The following OGG1 variants were observed in gnomAD, a reference collection of about 807,000 sequenced individuals.
OGG1 encodes 8-oxoguanine DNA glycosylase, also known as N-glycosylase/DNA lyase.
Under a neutral mutation model 42.3 loss-of-function variants are expected in OGG1, and 35 were observed. The observed-to-expected ratio is 0.83, with a 90% CI of 0.63 to 1.10. The LOEUF (loss-of-function observed/expected upper bound fraction) is 1.10. Ranked by LOEUF, OGG1 falls within the 50% of genes least tolerant of loss-of-function variation. The pLI, the probability that OGG1 is intolerant of heterozygous loss-of-function variation, is 0.00. For synonymous variants in OGG1, 189 were observed against 179.0 expected, an observed-to-expected ratio of 1.06 and a Z score of -0.44; for missense variants, 484 against 446.7, an observed-to-expected ratio of 1.08 and a Z score of -0.75.
downstream of OGG1, chr3:9,760,481 A>C: frequency 1.7e-6 from 1 of 593,690 alleles, no homozygotes; most frequent in Non-Finnish European, 3.0e-6. Flanking sequence ...GGAGCCAAGC[A>C]GAAGGAAGTA....
Position 9,787,290 on chromosome 3 carries a change from C to G in OGG1, c.383-438C>G, listed in dbSNP as rs200672644. Reference sequence around the variant, plus strand: ...GGGCCCCATCCTTCTGCTCCTCCAGCAGGTCCTCCTGGGCCCAGCGCTGGG... The same window carrying G: ...GGGCCCCATCCTTCTGCTCCTCCAGGAGGTCCTCCTGGGCCCAGCGCTGGG... On this transcript the variant is annotated intron_variant, in intron 3 of 3. Coordinates refer to the OGG1 transcript ENST00000426518. The G allele has an allele frequency of 9.9e-5, 160 of 1,614,036 alleles. No individual in the cohort carries two copies. The Middle Eastern group carries it at 2.1e-3, about 22-fold the overall frequency.
At chr3:9,786,833 C>A (rs1225825250) in intron 3 of OGG1, among the ~76,000 whole-genome samples, 1 of 152,150 alleles carries the variant, frequency 6.6e-6, no homozygotes, top group African/African-American at 2.4e-5. Context: ...ATTAGGTGCA[C>A]AAGTTATATA....
rs1021959233 is a variant in OGG1 at position 9,750,801 on chromosome 3, A to C, written c.138-144A>C. ...AATTTTTGTATTTTTTGTAGAGGTG[A>C]GGTTTCGCCATGTTGCTCAGACTGG... On this transcript the variant is annotated intron_variant, in intron 1 of 6. Coordinates refer to ENST00000344629, the MANE Select transcript of OGG1 (RefSeq NM_002542.6). 8.0e-6 allele frequency: 8 copies of C among 997,676 alleles called. No individual in the cohort carries two copies. The African/African-American group carries it at 1.1e-4, about 14-fold the overall frequency. The allele number at this position is 997,676 out of a possible 1,614,324, so 61.8% of individuals were successfully genotyped here.
chr3:9,789,961 G>A (rs778276110), downstream of OGG1: 35 of 1,586,178 alleles, frequency 2.2e-5, no homozygotes, highest in Middle Eastern at 6.8e-4. Flanking sequence ...AGTCGGTGAG[G>A]ATCTGAAATT....
At chr3:9,782,865 C>T (rs1292511069) in intron 3 of OGG1, among the ~76,000 whole-genome samples, 2 of 151,690 alleles carry the variant, frequency 1.3e-5, no homozygotes, top group African/African-American at 4.8e-5. Context: ...AGACACAGCA[C>T]TTGTCTGTGA....
intron 7 of OGG1, among the ~76,000 whole-genome samples, chr3:9,764,627 TG>T (rs372055920): frequency 0.043 from 4,720 of 108,878 alleles, 433 homozygotes; most frequent in East Asian, 0.14. Flanking sequence ...GTTTTTTTTT[TG>T]TTTTTTTTTT....
Position 9,750,987 on chromosome 3 carries a change from G to T in OGG1, c.180G>T (p.Ala60=). 1.2e-6 allele frequency: 2 copies of T among 1,614,092 alleles called. No homozygotes were observed. Among genetic ancestry groups the T allele is most frequent in the African/African-American group, 2.7e-5 (2 of 75,026 alleles). ...CTGCACACTGGAGTGGTGTACTAGC[G>T]GATCAAGTATGGACACTGACTCAGA... ...QSPAHWSGVL[A]DQVWTLTQTE... The change falls in exon 2 of 7, where the codon GCG becomes GCT. Residue 60 remains alanine, a synonymous_variant. Coordinates refer to ENST00000344629, the MANE Select transcript of OGG1 (RefSeq NM_002542.6).
rs147196116 is a variant in OGG1 at position 9,779,004 on chromosome 3, A to C, written c.295-2509A>C. Among the ~76,000 whole-genome samples, 1,071 of 152,218 alleles carry C rather than the reference A, an allele frequency of 7.0e-3. 8 individuals are homozygous for C. The highest frequency in any genetic ancestry group is 0.017 in the Middle Eastern group (5 of 294). ...CCTCAACCTTCCCACAGTAAATTGC[A>C]AATTATTCCCTGATTCTCTCAGACC... is the stretch of plus-strand genomic sequence containing the variant. On this transcript the variant is annotated intron_variant, in intron 2 of 3. Coordinates refer to the OGG1 transcript ENST00000426518.
downstream of OGG1, chr3:9,758,918 C>G (rs755828317): frequency 1.6e-4 from 68 of 421,918 alleles, no homozygotes; most frequent in Non-Finnish European, 2.7e-4. Context: ...GCGTGAGCCA[C>G]CATGCCTGGC....
chr3:9,790,415 G>C (rs2078702548), downstream of OGG1, among the ~76,000 whole-genome samples: 1 of 152,176 alleles, frequency 6.6e-6, no homozygotes, highest in Non-Finnish European at 1.5e-5. Flanking sequence ...TTTAGGTCCA[G>C]TTGGCACCTC....
At chr3:9,780,104 A>G (rs1056018364) in intron 2 of OGG1, 3 of 392,900 alleles carry the variant, frequency 7.6e-6, no homozygotes, top group Admixed American at 8.5e-5. Context: ...AGGAAGACCC[A>G]GAAACGAAGT....
chr3:9,781,676 C>A, intron 3 of OGG1: 1 of 434,022 alleles, frequency 2.3e-6, no homozygotes, highest in Non-Finnish European at 4.8e-6. Flanking sequence ...GCTGGAAGGT[C>A]ACTTAGTGAT....
At chr3:9,773,753 C>T (rs1436019979) in intron 2 of OGG1, among the ~76,000 whole-genome samples, 8 of 151,770 alleles carry the variant, frequency 5.3e-5, no homozygotes, top group Admixed American at 2.0e-4. Context: ...GGTGCAGCGG[C>T]GCCATCATGG....
chr3:9,769,001 C>T (rs1462365016), downstream of OGG1, among the ~76,000 whole-genome samples: 1 of 152,056 alleles, frequency 6.6e-6, no homozygotes, highest in Non-Finnish European at 1.5e-5. Flanking sequence ...CATGCCACAC[C>T]AAGCCCCCTC....
At chr3:9,757,995 C>T (rs2077666320), downstream of OGG1, 2 of 1,298,064 alleles carry the variant, frequency 1.5e-6, no homozygotes, top group Non-Finnish European at 2.1e-6. This position sits in a 1 kb window ranked among gnomAD's most constrained non-coding sequence, Gnocchi z 4.5. Flanking sequence ...CCCCAAAAAC[C>T]TCTACAAGGC....
intron 1 of OGG1, 63 bp from the exon 2 acceptor site, chr3:9,750,882 G>A (rs1382659557): frequency 2.4e-5 from 38 of 1,603,838 alleles, no homozygotes; most frequent in Non-Finnish European, 3.1e-5. Flanking sequence ...TAGGATAGGA[G>A]GGACCCCAAA....
chr3:9,765,180 T>G (rs2078094378), intron 7 of OGG1, among the ~76,000 whole-genome samples: 1 of 151,334 alleles, frequency 6.6e-6, no homozygotes, highest in African/African-American at 2.4e-5. Flanking sequence ...TGAGCCAAGA[T>G]TGCGTCACTG....
At chr3:9,765,859 C>A (rs1396548123) in exon 8 of OGG1, 1 of 1,614,028 alleles carries the variant, frequency 6.2e-7, no homozygotes, top group Non-Finnish European at 8.5e-7. Context: ...GTCCTCTTAT[C>A]TTCTGCCAGG....
In OGG1 at chr3:9,749,985, A is replaced by G; in HGVS notation, c.-302A>G. Reference sequence around the variant, plus strand: ...TGTGGTCTGCCCCTGGAGAACCCAGAAGAACACAGCTGTGCGCGCCCACAG... The same window carrying G: ...TGTGGTCTGCCCCTGGAGAACCCAGGAGAACACAGCTGTGCGCGCCCACAG... On this transcript the variant is annotated 5_prime_UTR_variant, in exon 1 of 7. Coordinates refer to ENST00000344629, the MANE Select transcript of OGG1 (RefSeq NM_002542.6). 1 of 438,860 alleles carries G rather than the reference A, an allele frequency of 2.3e-6. No individual in the cohort carries two copies. The highest frequency in any genetic ancestry group is 4.1e-6 in the Non-Finnish European group (1 of 242,418). 27.2% of individuals were successfully genotyped at this position (438,860 alleles called of 1,614,324 possible). A position where few individuals can be genotyped will look rare whatever the true frequency, so the allele number is the denominator to read the frequency against.
Sources: allele counts gnomAD v4.1 joint callset (sites outside exome capture counted in the v4.1 genomes callset), GRCh38; gene constraint gnomAD v4.1.1; non-coding constraint Gnocchi (gnomAD v3.1); transcripts MANE v1.5; gene names NCBI Gene and HGNC (gene_info 2026-07-23, HGNC 2026-07-21).